Variants in ZNF385D observed in about 807,000 individuals in gnomAD.
ZNF385D encodes the protein zinc finger protein 385D.
A neutral mutation model predicts 35.8 loss-of-function variants in ZNF385D; 15 were observed. The ratio of observed to expected loss-of-function variants is 0.42; its 90% CI spans 0.28 to 0.64. ZNF385D has a LOEUF of 0.64. ZNF385D is among the 30% of genes least tolerant of loss of function. The pLI, the probability that ZNF385D is intolerant of heterozygous loss-of-function variation, is 0.23. For synonymous variants in ZNF385D, 212 were observed against 186.8 expected, an observed-to-expected ratio of 1.13 and a Z score of -1.10; for missense variants, 474 against 494.6, an observed-to-expected ratio of 0.96 and a Z score of 0.39.
intron 3 of ZNF385D, among the ~76,000 whole-genome samples, chr3:22,071,269 A>G (rs1001913309): frequency 6.6e-6 from 1 of 152,194 alleles, no homozygotes; most frequent in African/African-American, 2.4e-5. Context: ...TCTCTATATC[A>G]TCTTTATCAA....
rs114429198 is a variant in ZNF385D at position 22,245,657 on chromosome 3, T to G, written c.107-76622A>C. On this transcript the variant is annotated intron_variant, in intron 2 of 5. Transcript: ENST00000494108. ...CCACAACAGACAATAGACGGGTGTG[T>G]GCTGCTGCACAACTATGAAGGATTC... Among the ~76,000 whole-genome samples, 917 of 151,086 alleles carry G rather than the reference T, an allele frequency of 6.1e-3. 6 individuals carry two copies. The highest frequency in any genetic ancestry group is 0.021 in the African/African-American group (868 of 41,122).
At chr3:22,184,322 G>C (rs758835686) in intron 2 of ZNF385D, among the ~76,000 whole-genome samples, 4 of 152,086 alleles carry the variant, frequency 2.6e-5, no homozygotes, top group African/African-American at 9.7e-5. Flanking sequence ...ATGGTGTTTT[G>C]TCTTTAAAAT....
At chr3:22,008,338 C>A (rs1240218313) in intron 3 of ZNF385D, among the ~76,000 whole-genome samples, 3 of 148,298 alleles carry the variant, frequency 2.0e-5, no homozygotes, top group African/African-American at 7.4e-5. Context: ...TAAAGAATCA[C>A]TTTCATACAG....
chr3:22,081,223 A>G (rs955995866), intron 3 of ZNF385D, among the ~76,000 whole-genome samples: 1 of 152,136 alleles, frequency 6.6e-6, no homozygotes, highest in Non-Finnish European at 1.5e-5. Flanking sequence ...ATTTTGCCCC[A>G]AATTCATCCT....
rs181363612 is a variant in ZNF385D at position 22,108,200 on chromosome 3, T to C, written c.325+60617A>G. 2.0e-4 allele frequency among the ~76,000 whole-genome samples: 31 copies of C among 152,254 alleles called. No homozygotes were observed. In the East Asian group the frequency reaches 5.6e-3, roughly 28 times the overall value. ...TGAAATATTTGTATGTCTGCATACATACACACATATATAGAGGACACAATG... is the reference window on the plus strand; with the variant it reads ...TGAAATATTTGTATGTCTGCATACACACACACATATATAGAGGACACAATG... On this transcript the variant is annotated intron_variant, in intron 3 of 5. Coordinates refer to the ZNF385D transcript ENST00000494108.
intron 2 of ZNF385D, among the ~76,000 whole-genome samples, chr3:22,348,138 T>C (rs1363754754): frequency 3.3e-5 from 5 of 152,090 alleles, no homozygotes; most frequent in Non-Finnish European, 5.9e-5. Flanking sequence ...AACAGGCAAA[T>C]AGTGATTAAC....
chr3:21,412,691 C>G lies in ZNF385D; in HGVS notation c.*8523G>C, dbSNP rs1381090398. On this transcript the variant is annotated 3_prime_UTR_variant, in exon 8 of 8. Transcript: ENST00000281523. ...TAGAGCTGCTGAAGGAACCAGAGAG[C>G]TTTCATCCATAAAAATATCACTGGT... 1 of 149,128 alleles carries G rather than the reference C, an allele frequency of 6.7e-6. No homozygotes were observed. The highest frequency in any genetic ancestry group is 2.5e-5 in the African/African-American group (1 of 39,712). 9.2% of individuals were successfully genotyped at this position (149,128 alleles called of 1,614,324 possible).
At chr3:21,884,458 C>A (rs761383448) in intron 3 of ZNF385D, among the ~76,000 whole-genome samples, 9 of 152,006 alleles carry the variant, frequency 5.9e-5, no homozygotes, top group Non-Finnish European at 1.3e-4. Flanking sequence ...TAAGTTGGTT[C>A]TTGACCTTGG....
At chr3:22,004,707 T>C (rs1180510053) in intron 3 of ZNF385D, among the ~76,000 whole-genome samples, 1 of 152,176 alleles carries the variant, frequency 6.6e-6, no homozygotes, top group East Asian at 1.9e-4. Flanking sequence ...TTCTGCTCAC[T>C]GAGATAAATG....
Position 21,415,308 on chromosome 3 carries a change from T to C in ZNF385D, c.*5906A>G, listed in dbSNP as rs1700546930. 1 of 152,104 alleles carries C rather than the reference T, an allele frequency of 6.6e-6. No homozygotes were observed. The highest frequency in any genetic ancestry group is 2.1e-4 in the South Asian group (1 of 4,834). The allele number at this position is 152,104 out of a possible 1,614,324, so 9.4% of individuals were successfully genotyped here. Reference sequence around the variant, plus strand: ...AGATTTTATAAGCATTCAAAGTCAGTACTCAAAGTCAGTAGCTGATGTGAA... The same window carrying C: ...AGATTTTATAAGCATTCAAAGTCAGCACTCAAAGTCAGTAGCTGATGTGAA... On this transcript the variant is annotated 3_prime_UTR_variant, in exon 8 of 8. Coordinates refer to ENST00000281523, the MANE Select transcript of ZNF385D (RefSeq NM_024697.3).
chr3:22,099,160 T>C (rs6783915), intron 3 of ZNF385D, among the ~76,000 whole-genome samples: 26,896 of 152,044 alleles, frequency 0.18, 3,101 homozygotes, highest in African/African-American at 0.33. Context: ...ACTATGTCAG[T>C]TGACATGGAA....
intron 2 of ZNF385D, among the ~76,000 whole-genome samples, chr3:21,591,038 A>G (rs1008330437): frequency 6.6e-6 from 1 of 151,966 alleles, no homozygotes; most frequent in Admixed American, 6.6e-5. Flanking sequence ...CCCCAAAAAA[A>G]AAATTAAAAA....
intron 1 of ZNF385D, among the ~76,000 whole-genome samples, chr3:21,715,534 A>C (rs564268682): frequency 5.9e-5 from 9 of 152,076 alleles, no homozygotes; most frequent in Non-Finnish European, 1.3e-4. Flanking sequence ...TATCTTTGCT[A>C]TTTTGAATAG....
intron 3 of ZNF385D, among the ~76,000 whole-genome samples, chr3:21,988,607 T>C (rs1186055732): frequency 6.6e-6 from 1 of 150,754 alleles, no homozygotes; most frequent in Non-Finnish European, 1.5e-5. Flanking sequence ...CTGCAGAGGT[T>C]ACTGCTGTCT....
chr3:21,599,290 T>C (rs537806844), intron 2 of ZNF385D, among the ~76,000 whole-genome samples: 2 of 152,232 alleles, frequency 1.3e-5, no homozygotes, highest in Non-Finnish European at 2.9e-5. Flanking sequence ...ATCAAAATCA[T>C]AGTGTTTGTT....
intron 2 of ZNF385D, among the ~76,000 whole-genome samples, chr3:22,170,621 T>G (rs1350999533): frequency 6.6e-6 from 1 of 152,218 alleles, no homozygotes; most frequent in Non-Finnish European, 1.5e-5. Flanking sequence ...AAATATGCAA[T>G]TTAAATGGTC....
At chr3:21,814,666 C>G (rs1441162404) in intron 3 of ZNF385D, among the ~76,000 whole-genome samples, 2 of 152,172 alleles carry the variant, frequency 1.3e-5, no homozygotes, top group Non-Finnish European at 2.9e-5. Flanking sequence ...AATACAGGAG[C>G]ACCCAGATTC....
intron 3 of ZNF385D, among the ~76,000 whole-genome samples, chr3:21,769,456 A>G (rs2125607059): frequency 7.8e-6 from 1 of 128,202 alleles, no homozygotes; most frequent in Non-Finnish European, 1.6e-5. Context: ...CACACAAGAG[A>G]GCCAAATCAT....
chr3:21,517,818 T>C (rs2125491354), intron 3 of ZNF385D, among the ~76,000 whole-genome samples: 1 of 152,360 alleles, frequency 6.6e-6, no homozygotes, highest in Middle Eastern at 3.4e-3. Context: ...TCCAAATTCT[T>C]ACTCATCTTA....
Sources: gnomAD v4.1 joint callset for allele counts (sites outside exome capture counted in the v4.1 genomes callset) on GRCh38, gnomAD v4.1.1 for gene constraint, MANE v1.5 for transcripts, NCBI Gene and HGNC (gene_info 2026-07-23, HGNC 2026-07-21) for gene names.